ARHGEF3: variants seen among roughly 807,000 people sequenced by gnomAD.
ARHGEF3 encodes the protein Rho guanine nucleotide exchange factor 3.
A neutral mutation model predicts 63.2 loss-of-function variants in ARHGEF3; 28 were observed. The observed-to-expected ratio is 0.44, with a 90% CI of 0.33 to 0.61. The LOEUF (loss-of-function observed/expected upper bound fraction) is 0.61, where lower values mean the gene tolerates loss of function less well. Ranked by LOEUF, ARHGEF3 falls within the 20% of genes least tolerant of loss-of-function variation. The pLI, the probability that ARHGEF3 is intolerant of heterozygous loss-of-function variation, is 0.03. For missense variants in ARHGEF3, 533 were observed against 659.3 expected (o/e 0.81, Z 2.10); for synonymous variants, 266 against 254.2 (o/e 1.05, Z -0.44).
intron 4 of ARHGEF3, among the ~76,000 whole-genome samples, chr3:56,863,572 T>C (rs1369763194): frequency 6.6e-6 from 1 of 152,054 alleles, no homozygotes; most frequent in Non-Finnish European, 1.5e-5. Flanking sequence ...AGCACTGGGA[T>C]TATAGGTGTG....
At chr3:57,006,125 G>A (rs1313959061) in intron 2 of ARHGEF3, among the ~76,000 whole-genome samples, 1 of 152,154 alleles carries the variant, frequency 6.6e-6, no homozygotes, top group Non-Finnish European at 1.5e-5. Context: ...AATGAATATT[G>A]GATAACCAGG....
chr3:56,865,308 G>C (rs1034999378), intron 4 of ARHGEF3, among the ~76,000 whole-genome samples: 2 of 152,204 alleles, frequency 1.3e-5, no homozygotes, highest in African/African-American at 4.8e-5. Flanking sequence ...AGATTGGTTA[G>C]AAAGGAGAAT....
chr3:56,925,050 T>C (rs1578858966), intron 3 of ARHGEF3, among the ~76,000 whole-genome samples: 1 of 152,206 alleles, frequency 6.6e-6, no homozygotes, highest in South Asian at 2.1e-4. Context: ...TACACTTGCT[T>C]CCCAGCCTCC....
Position 57,003,538 on chromosome 3 carries a change from T to A in ARHGEF3, c.62+31550A>T, listed in dbSNP as rs569467039. On this transcript the variant is annotated intron_variant, in intron 2 of 12. Coordinates refer to the ARHGEF3 transcript ENST00000338458. ...CTTAGCACTACAGGGTATGAGTCCA[T>A]GTGGTGGGCTGAATAATGGCCCCCA... 3.3e-5 allele frequency among the ~76,000 whole-genome samples: 5 copies of A among 151,538 alleles called. No individual in the cohort carries two copies. In the East Asian group the frequency reaches 9.8e-4, roughly 30 times the overall value.
chr3:56,825,742 G>A (rs1323765238), intron 4 of ARHGEF3, among the ~76,000 whole-genome samples: 2 of 152,164 alleles, frequency 1.3e-5, no homozygotes, highest in Non-Finnish European at 2.9e-5. Context: ...TTATTTAAGA[G>A]CTTCAAGAAC....
chr3:56,805,955 A>G (rs537098230), upstream of ARHGEF3, among the ~76,000 whole-genome samples: 1 of 152,318 alleles, frequency 6.6e-6, no homozygotes, highest in African/African-American at 2.4e-5. Flanking sequence ...TTTTGGTACA[A>G]CAAAGCCTAT....
chr3:57,024,884 A>G (rs1029314974), intron 2 of ARHGEF3, among the ~76,000 whole-genome samples: 2 of 152,266 alleles, frequency 1.3e-5, no homozygotes, highest in African/African-American at 4.8e-5. Context: ...AAACAAATGC[A>G]GGCTAATGCC....
Position 56,845,550 on chromosome 3 carries a change from T to C in ARHGEF3, c.192+36742A>G, listed in dbSNP as rs148185626. Reference sequence around the variant, plus strand: ...CAGTGCTATATTTTGTGTTTCTTTGTTGATTTTCCCTTTCCTTTCACAGTG... The same window carrying C: ...CAGTGCTATATTTTGTGTTTCTTTGCTGATTTTCCCTTTCCTTTCACAGTG... On this transcript the variant is annotated intron_variant, in intron 4 of 12. Transcript: ENST00000338458. 3.6e-3 allele frequency among the ~76,000 whole-genome samples: 551 copies of C among 152,340 alleles called. 4 individuals carry two copies. Among genetic ancestry groups the C allele is most frequent in the Admixed American group, 8.2e-3 (125 of 15,308 alleles).
chr3:56,950,703 T>C (rs1395732678), intron 3 of ARHGEF3, among the ~76,000 whole-genome samples: 4 of 152,024 alleles, frequency 2.6e-5, no homozygotes, highest in Non-Finnish European at 5.9e-5. Context: ...AGTCCAACCA[T>C]TGTGGAAGTC....
intron 4 of ARHGEF3, among the ~76,000 whole-genome samples, chr3:56,813,319 T>A (rs2038141154): frequency 6.6e-6 from 1 of 152,212 alleles, no homozygotes; most frequent in African/African-American, 2.4e-5. Flanking sequence ...GAGAATTTGA[T>A]CTGTATTTTC....
intron 9 of ARHGEF3, among the ~76,000 whole-genome samples, chr3:56,730,051 C>T (rs1236924238): frequency 1.3e-5 from 2 of 152,096 alleles, no homozygotes; most frequent in African/African-American, 4.8e-5. Context: ...GACGCCTTTT[C>T]TCAAAAAATA....
chr3:57,072,344 A>G (rs1374207038), intron 1 of ARHGEF3, among the ~76,000 whole-genome samples: 1 of 152,124 alleles, frequency 6.6e-6, no homozygotes, highest in Admixed American at 6.6e-5. Flanking sequence ...CAGGGCAGGT[A>G]AAAGAGAGGA....
chr3:57,063,735 A>G (rs1705367900), intron 1 of ARHGEF3, among the ~76,000 whole-genome samples: 1 of 152,196 alleles, frequency 6.6e-6, no homozygotes, highest in African/African-American at 2.4e-5. Context: ...GGATGGCAAC[A>G]GAGAACAGGC....
intron 1 of ARHGEF3, among the ~76,000 whole-genome samples, chr3:56,778,705 TA>T (rs974554273): frequency 1.3e-5 from 2 of 152,154 alleles, no homozygotes; most frequent in Admixed American, 1.3e-4. Flanking sequence ...GGCTAAATTT[TA>T]AAAATTTTTT....
chr3:56,782,231 T>C (rs971106155), intron 1 of ARHGEF3, among the ~76,000 whole-genome samples: 6 of 152,312 alleles, frequency 3.9e-5, no homozygotes, highest in African/African-American at 9.6e-5. Flanking sequence ...TCCCAGAAGA[T>C]GAAAGACAAA....
In ARHGEF3 at chr3:56,924,583, A is replaced by G. The variant is rs562395461; in HGVS notation, c.129+34240T>C. ...TTATTTCTTGATTATATGTTAAACA[A>G]GAGGTGGATGATTCATGCCTCCCCT... On this transcript the variant is annotated intron_variant, in intron 3 of 12. Transcript: ENST00000338458. Among the ~76,000 whole-genome samples the G allele has an allele frequency of 3.0e-4, 45 of 152,362 alleles. No individual in the cohort carries two copies. In the South Asian group the frequency reaches 8.9e-3, roughly 30 times the overall value.
intron 3 of ARHGEF3, among the ~76,000 whole-genome samples, chr3:56,901,368 GTATGTA>G (rs56397347): frequency 0.62 from 91,548 of 147,650 alleles, 28,535 homozygotes; most frequent in Middle Eastern, 0.71. Context: ...GAGTGGCAAA[GTATGTA>G]TATGTATATG....
chr3:56,736,117 C>T (rs2033611382), intron 8 of ARHGEF3, among the ~76,000 whole-genome samples: 1 of 151,474 alleles, frequency 6.6e-6, no homozygotes, highest in Non-Finnish European at 1.5e-5. Flanking sequence ...ATACAAATAG[C>T]TTGGTGAGCT....
At chr3:56,813,105 C>G (rs1343288722) in intron 4 of ARHGEF3, among the ~76,000 whole-genome samples, 1 of 152,172 alleles carries the variant, frequency 6.6e-6, no homozygotes, top group East Asian at 1.9e-4. Flanking sequence ...TAAGACATAA[C>G]TTTTATAAGG....
Sources: allele counts gnomAD v4.1 joint callset (sites outside exome capture counted in the v4.1 genomes callset), GRCh38; gene constraint gnomAD v4.1.1; transcripts MANE v1.5; gene names NCBI Gene and HGNC (gene_info 2026-07-23, HGNC 2026-07-21).